The following EPS8 variants were observed in gnomAD, a reference collection of about 807,000 sequenced individuals.
The protein encoded by EPS8 is epidermal growth factor receptor kinase substrate 8.
EPS8 carries 42 observed loss-of-function variants against 103.8 expected under a neutral mutation model. The ratio of observed to expected loss-of-function variants is 0.40; its 90% confidence interval spans 0.32 to 0.52. The LOEUF (loss-of-function observed/expected upper bound fraction) is 0.52, where lower values mean the gene tolerates loss of function less well. EPS8 is among the 20% of genes least tolerant of loss of function. The pLI, the probability that EPS8 is intolerant of heterozygous loss-of-function variation, is 0.40. For synonymous variants in EPS8, 344 were observed against 344.6 expected, an observed-to-expected ratio of 1.00 and a Z score of 0.02; for missense variants, 969 against 1,005.1, an observed-to-expected ratio of 0.96 and a Z score of 0.49.
rs1057191243 is a variant in EPS8, at chr12:15,703,904, A to C, written c.-21-20932T>G. Among the ~76,000 whole-genome samples, 5 of 107,552 alleles carry C rather than the reference A, an allele frequency of 4.6e-5. No individual in the cohort carries two copies. In the Admixed American group the frequency reaches 7.4e-4, roughly 16 times the overall value. The allele number at this position is 107,552 out of a possible 152,430, so 70.6% of individuals were successfully genotyped here. Reference sequence around the variant, plus strand: ...TTAGACTCACCTTTGTTATTCCCCTAATGTCTCCAAACTCCGTAATTATCC... The same window carrying C: ...TTAGACTCACCTTTGTTATTCCCCTCATGTCTCCAAACTCCGTAATTATCC... On this transcript the variant is annotated intron_variant, in intron 1 of 20. Coordinates refer to ENST00000281172, the MANE Select transcript of EPS8 (RefSeq NM_004447.6).
chr12:15,677,682 CT>C (rs2135873931), intron 3 of EPS8, among the ~76,000 whole-genome samples: 1 of 152,310 alleles, frequency 6.6e-6, no homozygotes, highest in South Asian at 2.1e-4. Flanking sequence ...TCTTTACTAA[CT>C]TTCCAGTTAA....
In EPS8 at chr12:15,624,232, G is replaced by T. The variant is rs764482003; in HGVS notation, c.2220C>A (p.Asn740Lys). The change falls in exon 19 of 21, where the codon AAC becomes AAA. Residue 740 changes from asparagine (N) to lysine (K), a missense_variant. Coordinates refer to ENST00000281172, the MANE Select transcript of EPS8 (RefSeq NM_004447.6). ...VKTWLQSKGFNPVTVNSLGVL... is the reference protein window; with the variant it reads ...VKTWLQSKGFKPVTVNSLGVL... The stretch of plus-strand genomic sequence containing the variant: ...GTATTCACAGAGAGACTCACACAGG[G>T]TTGAATCCCTTTGACTGTAACCACG... 7 of 1,612,848 alleles carry T rather than the reference G, an allele frequency of 4.3e-6. No homozygotes were observed. The highest frequency in any genetic ancestry group is 2.2e-5 in the South Asian group (2 of 91,006).
intron 6 of EPS8, among the ~76,000 whole-genome samples, chr12:15,666,983 A>G (rs1274859778): frequency 6.6e-6 from 1 of 152,222 alleles, no homozygotes; most frequent in Non-Finnish European, 1.5e-5. Context: ...CTCCAACGCT[A>G]GGTTTTACCC....
chr12:15,730,512 A>G (rs1347313206), intron 1 of EPS8, among the ~76,000 whole-genome samples: 3 of 152,214 alleles, frequency 2.0e-5, no homozygotes, highest in Non-Finnish European at 2.9e-5. Flanking sequence ...TAAAGATTCA[A>G]CAAGATACAC....
At chr12:15,634,164 T>C (rs933837528) in intron 17 of EPS8, among the ~76,000 whole-genome samples, 1 of 152,206 alleles carries the variant, frequency 6.6e-6, no homozygotes, top group East Asian at 1.9e-4. Flanking sequence ...TTCCCAGTAA[T>C]TAGCACTGAA....
intron 1 of EPS8, among the ~76,000 whole-genome samples, chr12:15,692,998 T>G (rs1946195332): frequency 6.6e-6 from 1 of 152,174 alleles, no homozygotes. Flanking sequence ...GCTAGGTTTG[T>G]TTTGGCTTCT....
intron 1 of EPS8, among the ~76,000 whole-genome samples, chr12:15,709,154 C>A (rs1384157468): frequency 6.6e-6 from 1 of 152,148 alleles, no homozygotes; most frequent in Non-Finnish European, 1.5e-5. Context: ...GAATGCAAGG[C>A]AACCTAGAAG....
At chr12:15,682,054 G>C (rs1169661363) in intron 2 of EPS8, among the ~76,000 whole-genome samples, 1 of 152,026 alleles carries the variant, frequency 6.6e-6, no homozygotes, top group Non-Finnish European at 1.5e-5. Flanking sequence ...ACATATCTAA[G>C]AAAACTTTAC....
At chr12:15,708,082 C>T (rs2135952091) in intron 1 of EPS8, among the ~76,000 whole-genome samples, 1 of 152,238 alleles carries the variant, frequency 6.6e-6, no homozygotes. Context: ...GCCTATGATG[C>T]CAATCAGAGA....
intron 1 of EPS8, among the ~76,000 whole-genome samples, chr12:15,685,897 C>A (rs1038342714): frequency 6.6e-6 from 1 of 152,114 alleles, no homozygotes; most frequent in Admixed American, 6.5e-5. Flanking sequence ...ACTGTTAAAG[C>A]AACCTAAAAA....
chr12:15,658,178 C>A (rs373441751), intron 11 of EPS8, 25 bp from the exon 12 acceptor site: 1 of 1,528,944 alleles, frequency 6.5e-7, no homozygotes, highest in Non-Finnish European at 9.1e-7. Context: ...AAACAGAAAA[C>A]AGATTACTAT....
At chr12:15,669,579 A>T (rs1374846418) in intron 5 of EPS8, 43 bp from the exon 6 acceptor site, 2 of 1,566,336 alleles carry the variant, frequency 1.3e-6, no homozygotes, top group African/African-American at 2.7e-5. Flanking sequence ...ACTTCCATCC[A>T]TTTTCAAACA....
rs924732847 is a variant in EPS8 at position 15,784,887 on chromosome 12, A to G, written c.-22+4274T>C. On this transcript the variant is annotated intron_variant, in intron 1 of 20. Transcript: ENST00000281172. The surrounding 1 kb of genome is among the most constrained non-coding windows in gnomAD (Gnocchi z 4.0). ...AGTCTGGCAAGGCTGTATGATTCCA[A>G]TTATACAACATCTGGAAAAGGCAAA... 2.0e-5 allele frequency among the ~76,000 whole-genome samples: 3 copies of G among 152,154 alleles called. No homozygotes were observed. Among genetic ancestry groups the G allele is most frequent in the Non-Finnish European group, 2.9e-5 (2 of 67,968 alleles).
intron 18 of EPS8, among the ~76,000 whole-genome samples, chr12:15,625,500 C>A (rs1182365292): frequency 6.6e-6 from 1 of 152,098 alleles, no homozygotes; most frequent in Non-Finnish European, 1.5e-5. Flanking sequence ...TAGTGGACTC[C>A]AATTCCCATT....
At chr12:15,719,722 C>A (rs949119953) in intron 1 of EPS8, among the ~76,000 whole-genome samples, 1 of 152,118 alleles carries the variant, frequency 6.6e-6, no homozygotes, top group African/African-American at 2.4e-5. Flanking sequence ...CCTGGGTGGG[C>A]AAAATATTAA....
At chr12:15,631,829 T>C in intron 17 of EPS8, 165 bp from the exon 18 acceptor site, 1 of 570,992 alleles carries the variant, frequency 1.8e-6, no homozygotes, top group Non-Finnish European at 3.0e-6. Context: ...TTAAAAATCA[T>C]ATTTTAAACA....
At chr12:15,692,521 G>A (rs145829070) in intron 1 of EPS8, among the ~76,000 whole-genome samples, 1 of 151,622 alleles carries the variant, frequency 6.6e-6, no homozygotes, top group African/African-American at 2.4e-5. Flanking sequence ...CATTAGTATG[G>A]GTGTTTTTTG....
At position 15,747,215 on chromosome 12, in the gene EPS8, C is replaced by T. The variant is rs976566858; in HGVS notation, c.-22+41946G>A. Among the ~76,000 whole-genome samples, 4 of 152,148 alleles carry T rather than the reference C, an allele frequency of 2.6e-5. No individual in the cohort carries two copies. The highest frequency in any genetic ancestry group is 9.7e-5 in the African/African-American group (4 of 41,414). On this transcript the variant is annotated intron_variant, in intron 1 of 20. Transcript: ENST00000281172. This position sits in a 1 kb window ranked among gnomAD's most constrained non-coding sequence, Gnocchi z 4.4. ...ACACATTTGGATATTAACTTTAAAA[C>T]TTAACCTGTATAAACTGTGGCTCTA... is the stretch of plus-strand genomic sequence containing the variant.
intron 8 of EPS8, among the ~76,000 whole-genome samples, chr12:15,663,976 T>TATATATACAC (rs35142421): frequency 2.1e-4 from 22 of 104,438 alleles, no homozygotes; most frequent in South Asian, 2.0e-3. Flanking sequence ...TATATATATA[T>TATATATACAC]ACACACACAC....
Sources: allele counts gnomAD v4.1 joint callset (sites outside exome capture counted in the v4.1 genomes callset), GRCh38; gene constraint gnomAD v4.1.1; non-coding constraint Gnocchi (gnomAD v3.1); transcripts MANE v1.5; gene names NCBI Gene and HGNC (gene_info 2026-07-23, HGNC 2026-07-21).